Variants in DACH1 observed in about 807,000 individuals in gnomAD.
The protein encoded by DACH1 is dachshund homolog 1.
In DACH1, 12 loss-of-function variants were observed where a neutral mutation model predicts 54.2. That is an observed-to-expected ratio of 0.22 (90% confidence interval 0.14 to 0.36). The LOEUF is 0.36. DACH1 is among the 10% of genes least tolerant of loss of function. DACH1 has a pLI of 1.00. For synonymous variants in DACH1, 386 were observed against 366.2 expected, an observed-to-expected ratio of 1.05 and a Z score of -0.62; for missense variants, 805 against 929.8, an observed-to-expected ratio of 0.87 and a Z score of 1.75.
chr13:71,847,396 C>T (rs1873353749), intron 1 of DACH1, among the ~76,000 whole-genome samples: 1 of 152,072 alleles, frequency 6.6e-6, no homozygotes, highest in Non-Finnish European at 1.5e-5. Context: ...TAATGGGTGC[C>T]TACTATGTGC....
At chr13:71,804,358 T>C (rs1242194984) in intron 1 of DACH1, among the ~76,000 whole-genome samples, 1 of 152,126 alleles carries the variant, frequency 6.6e-6, no homozygotes, top group Non-Finnish European at 1.5e-5. Flanking sequence ...ACAGCAGCTA[T>C]GGGAGAATGC....
chr13:71,646,206 G>A (rs1435741653), intron 2 of DACH1, among the ~76,000 whole-genome samples: 3 of 151,738 alleles, frequency 2.0e-5, no homozygotes, highest in Non-Finnish European at 4.4e-5. Flanking sequence ...GCATGGTGGC[G>A]GGTGCCTGTA....
At chr13:71,821,666 A>G (rs1888193787) in intron 1 of DACH1, among the ~76,000 whole-genome samples, 1 of 152,160 alleles carries the variant, frequency 6.6e-6, no homozygotes, top group South Asian at 2.1e-4. Flanking sequence ...AAAACAATAT[A>G]CAATTTTCAT....
In DACH1 at chr13:71,866,174, G is replaced by A. The variant is rs1874741753; in HGVS notation, c.596C>T (p.Ala199Val). 1.2e-6 allele frequency: 2 copies of A among 1,612,990 alleles called. No homozygotes were observed. Among genetic ancestry groups the A allele is most frequent in the African/African-American group, 2.7e-5 (2 of 74,956 alleles). Residue 199 changes from alanine (A) to valine (V), a missense_variant, in exon 1 of 11, where the codon GCT becomes GTT. Ala to Val is a moderately conservative substitution (Grantham distance 64). Around this residue, in one of 3 missense-constraint regions of DACH1, gnomAD observed 305 missense variants for 308.7 expected, o/e 0.99. Coordinates refer to ENST00000613252, the MANE Select transcript of DACH1 (RefSeq NM_080759.6). Reference protein sequence around the residue: ...KMVDLRGAKVASFTVEGCELI... With the variant: ...KMVDLRGAKVVSFTVEGCELI... Reference sequence around the variant, plus strand: ...CTCGCAGCCCTCCACCGTGAAGGAAGCCACTTTGGCCCCCCTCAGATCCAC... The same window carrying A: ...CTCGCAGCCCTCCACCGTGAAGGAAACCACTTTGGCCCCCCTCAGATCCAC...
chr13:71,725,470 G>A (rs190873698), intron 1 of DACH1, among the ~76,000 whole-genome samples: 71 of 152,126 alleles, frequency 4.7e-4, no homozygotes, highest in African/African-American at 1.6e-3. Flanking sequence ...CCCTAGGGAA[G>A]GAGTGGTACC....
chr13:71,692,401 A>T (rs1881534481), intron 1 of DACH1, among the ~76,000 whole-genome samples: 3 of 150,534 alleles, frequency 2.0e-5, no homozygotes, highest in African/African-American at 7.3e-5. Flanking sequence ...TGTTAGATAT[A>T]TGATGGTAGG....
At chr13:71,500,240 T>C (rs562195646) in intron 6 of DACH1, among the ~76,000 whole-genome samples, 3 of 151,966 alleles carry the variant, frequency 2.0e-5, no homozygotes, top group Non-Finnish European at 4.4e-5. Context: ...GGAGGAAGAG[T>C]TGTCTCATAA....
At chr13:71,641,973 T>C (rs1253704200) in intron 2 of DACH1, among the ~76,000 whole-genome samples, 1 of 152,182 alleles carries the variant, frequency 6.6e-6, no homozygotes, top group Non-Finnish European at 1.5e-5. Context: ...TCACTTCTCT[T>C]TTTGCTGCAA....
At position 71,572,941 on chromosome 13, in the gene DACH1, T is replaced by C. The variant is rs776467201; in HGVS notation, c.1198A>G (p.Met400Val). 2 of 1,614,074 alleles carry C rather than the reference T, an allele frequency of 1.2e-6. No individual in the cohort carries two copies. Among genetic ancestry groups the C allele is most frequent in the Non-Finnish European group, 8.5e-7 (1 of 1,179,984 alleles). ...PVSLPPASVT[M>V]AMSQMNHLST... ...AGGTGGTTCATCTGGCTCATTGCCA[T>C]GGTGACAGATGCTGGAGGTAGGCTG... Residue 400 changes from methionine to valine, a missense_variant, in exon 4 of 11, where the codon ATG becomes GTG. Around this residue, in one of 3 missense-constraint regions of DACH1, gnomAD observed 472 missense variants for 545.3 expected, o/e 0.87. Transcript: ENST00000613252.
In DACH1 at chr13:71,549,927, T is replaced by C. The variant is rs190401100; in HGVS notation, c.1570+7097A>G. ...GAATTCTAGGTTCATTGAAATTGTA[T>C]TAAATAAATAAAGATTATTTTTAAT... On this transcript the variant is annotated intron_variant, in intron 6 of 10. Coordinates refer to ENST00000613252, the MANE Select transcript of DACH1 (RefSeq NM_080759.6). Among the ~76,000 whole-genome samples the C allele has an allele frequency of 2.0e-3, 302 of 152,262 alleles. 1 individual carries two copies. Among genetic ancestry groups the C allele is most frequent in the South Asian group, 0.015 (72 of 4,826 alleles).
rs398023338 is a variant in DACH1, at chr13:71,692,506, C to CTTTTTT, written c.849-10602_849-10597dup. On this transcript the variant is annotated intron_variant, in intron 1 of 10. Transcript: ENST00000613252. ...CCTTTCTTTTTCTTTCTTTTCTTTC[C>CTTTTTT]TTTTTTTTTTTTTTTTTTTTTTTTT... 8.3e-4 allele frequency among the ~76,000 whole-genome samples: 37 copies of CTTTTTT among 44,438 alleles called. 5 individuals are homozygous for CTTTTTT. The highest frequency in any genetic ancestry group is 1.9e-3 in the African/African-American group (16 of 8,332). The allele number at this position is 44,438 out of a possible 152,430, so 29.2% of individuals were successfully genotyped here. A position where few individuals can be genotyped will look rare whatever the true frequency, so the allele number is the denominator to read the frequency against.
chr13:71,826,253 T>C (rs1888375964), intron 1 of DACH1, among the ~76,000 whole-genome samples: 1 of 152,144 alleles, frequency 6.6e-6, no homozygotes, highest in African/African-American at 2.4e-5. Context: ...TGATAAGCAC[T>C]GAATTTTAGG....
chr13:71,702,590 T>C (rs1053183747), intron 1 of DACH1, among the ~76,000 whole-genome samples: 1 of 152,144 alleles, frequency 6.6e-6, no homozygotes, highest in Non-Finnish European at 1.5e-5. Context: ...TAGAGATTTA[T>C]TGAGACAGGG....
intron 6 of DACH1, among the ~76,000 whole-genome samples, chr13:71,532,757 T>C (rs1882497367): frequency 6.6e-6 from 1 of 151,954 alleles, no homozygotes; most frequent in Non-Finnish European, 1.5e-5. Flanking sequence ...TAACCTCTTC[T>C]GGTTTGCATT....
intron 2 of DACH1, among the ~76,000 whole-genome samples, chr13:71,651,710 ATG>A (rs1878696569): frequency 2.1e-5 from 3 of 144,882 alleles, no homozygotes; most frequent in South Asian, 4.2e-4. Context: ...GTATATGTAT[ATG>A]TATATGTATA....
chr13:71,485,956 T>A (rs1878468873), intron 7 of DACH1, among the ~76,000 whole-genome samples: 1 of 151,828 alleles, frequency 6.6e-6, no homozygotes, highest in Non-Finnish European at 1.5e-5. Context: ...TGGTGCCCAA[T>A]TTTTATATAT....
At chr13:71,629,051 TAA>T (rs766337154) in intron 3 of DACH1, among the ~76,000 whole-genome samples, 4 of 152,168 alleles carry the variant, frequency 2.6e-5, no homozygotes, top group Non-Finnish European at 4.4e-5. Flanking sequence ...TTACTTGTTT[TAA>T]AAAGTGTCCA....
chr13:71,589,148 G>A (rs1873509490), intron 3 of DACH1, among the ~76,000 whole-genome samples: 2 of 151,940 alleles, frequency 1.3e-5, no homozygotes, highest in African/African-American at 4.8e-5. Flanking sequence ...CTTCAAGAAA[G>A]CTGCTTTTAG....
chr13:71,473,810 A>G (rs1877288640), intron 10 of DACH1, among the ~76,000 whole-genome samples: 2 of 152,290 alleles, frequency 1.3e-5, no homozygotes, highest in South Asian at 4.1e-4. Flanking sequence ...TAATGCGTGA[A>G]TAGCCCCTGC....
Sources: gnomAD v4.1 joint callset for allele counts (sites outside exome capture counted in the v4.1 genomes callset) on GRCh38, gnomAD v4.1.1 for gene constraint, gnomAD v4.1.1 regional missense constraint, MANE v1.5 for transcripts, NCBI Gene and HGNC (gene_info 2026-07-23, HGNC 2026-07-21) for gene names.